Variants in PREX2 observed in about 807,000 individuals in gnomAD.
PREX2 encodes the protein phosphatidylinositol 3,4,5-trisphosphate-dependent Rac exchanger 2 protein.
PREX2 carries 107 observed loss-of-function variants against 203.2 expected under a neutral mutation model. The ratio of observed to expected loss-of-function variants is 0.53; its 90% CI spans 0.45 to 0.62. The LOEUF is 0.62. Among genes scored for constraint, PREX2 ranks in the 20% least tolerant of loss-of-function variants. The pLI, the probability that PREX2 is intolerant of heterozygous loss-of-function variation, is 0.00. For synonymous variants in PREX2, 672 were observed against 663.6 expected (o/e 1.01, Z -0.19); for missense variants, 1,777 against 1,955.9 (o/e 0.91, Z 1.72).
At chr8:68,198,339 C>T (rs1164426250) in intron 37 of PREX2, among the ~76,000 whole-genome samples, 1 of 152,112 alleles carries the variant, frequency 6.6e-6, no homozygotes, top group African/African-American at 2.4e-5. Flanking sequence ...TATATACCTG[C>T]TTTGTAGGCA....
intron 35 of PREX2, among the ~76,000 whole-genome samples, chr8:68,190,628 A>G (rs541069305): frequency 5.9e-5 from 9 of 152,188 alleles, no homozygotes; most frequent in African/African-American, 2.2e-4. Flanking sequence ...TGAGGGTTGA[A>G]AACTTACCTA....
At chr8:68,088,192 T>C (rs767877588) in intron 19 of PREX2, among the ~76,000 whole-genome samples, 39 of 152,328 alleles carry the variant, frequency 2.6e-4, no homozygotes, top group Non-Finnish European at 2.5e-4. Context: ...TTATAACCTA[T>C]TGCTATATAC....
At chr8:68,230,546 C>A (rs1813148503) in intron 39 of PREX2, among the ~76,000 whole-genome samples, 1 of 152,084 alleles carries the variant, frequency 6.6e-6, no homozygotes, top group South Asian at 2.1e-4. Context: ...CTATTATGTT[C>A]CCTTTTACTT....
chr8:68,122,116 C>T (rs944604564), intron 30 of PREX2, among the ~76,000 whole-genome samples: 7 of 152,082 alleles, frequency 4.6e-5, no homozygotes, highest in Non-Finnish European at 8.8e-5. Context: ...GAGTTAGTCA[C>T]TTAACTCTTT....
At chr8:68,105,260 GCCT>G (rs779725192) in intron 23 of PREX2, 1 of 1,367,790 alleles carries the variant, frequency 7.3e-7, no homozygotes. Flanking sequence ...TCCTCCTGCT[GCCT>G]CCTCCTCTCT....
chr8:68,012,057 A>T (rs1202383663), intron 1 of PREX2, among the ~76,000 whole-genome samples: 1 of 152,122 alleles, frequency 6.6e-6, no homozygotes, highest in Non-Finnish European at 1.5e-5. Flanking sequence ...TTTACTCTTG[A>T]CTTTCCTGTC....
At chr8:67,992,848 G>A (rs1044982677) in intron 1 of PREX2, among the ~76,000 whole-genome samples, 1 of 152,144 alleles carries the variant, frequency 6.6e-6, no homozygotes, top group African/African-American at 2.4e-5. Flanking sequence ...AGAGGGCGTA[G>A]GGGGTCATAA....
chr8:68,162,850 CAA>C (rs1395260611), intron 35 of PREX2, among the ~76,000 whole-genome samples: 4 of 152,158 alleles, frequency 2.6e-5, no homozygotes, highest in Non-Finnish European at 5.9e-5. Flanking sequence ...TGCTCAAATC[CAA>C]AGACATAAGC....
intron 1 of PREX2, among the ~76,000 whole-genome samples, chr8:67,973,585 T>C (rs150114285): frequency 6.6e-6 from 1 of 152,320 alleles, no homozygotes; most frequent in Non-Finnish European, 1.5e-5. Flanking sequence ...CTAGTCTGTT[T>C]CATACCACTT....
At chr8:68,040,835 A>G (rs574430714) in intron 7 of PREX2, among the ~76,000 whole-genome samples, 35 of 152,296 alleles carry the variant, frequency 2.3e-4, no homozygotes, top group Middle Eastern at 3.4e-3. Context: ...CACAGAATCA[A>G]TGAATGAGTG....
At chr8:68,170,182 A>AT (rs1811847646) in intron 35 of PREX2, among the ~76,000 whole-genome samples, 1 of 152,180 alleles carries the variant, frequency 6.6e-6, no homozygotes, top group Non-Finnish European at 1.5e-5. Flanking sequence ...AGTCCAGCAC[A>AT]TTGAGTAGAA....
chr8:68,057,291 C>T (rs1808710150), intron 10 of PREX2, among the ~76,000 whole-genome samples: 1 of 152,172 alleles, frequency 6.6e-6, no homozygotes, highest in South Asian at 2.1e-4. Flanking sequence ...CCATGCAGAA[C>T]TGTGCATCAA....
intron 4 of PREX2, among the ~76,000 whole-genome samples, chr8:68,024,838 T>A (rs1158412955): frequency 6.6e-6 from 1 of 152,004 alleles, no homozygotes; most frequent in Non-Finnish European, 1.5e-5. Flanking sequence ...AACTACAATA[T>A]GCATCTTAAC....
At chr8:67,975,203 C>T (rs750982441) in intron 1 of PREX2, among the ~76,000 whole-genome samples, 14 of 149,722 alleles carry the variant, frequency 9.4e-5, no homozygotes, top group African/African-American at 3.2e-4. Context: ...CTCCTCTAGT[C>T]GGGGCCTCTC....
At chr8:68,214,029 A>C (rs1037540596) in intron 37 of PREX2, among the ~76,000 whole-genome samples, 3 of 152,152 alleles carry the variant, frequency 2.0e-5, no homozygotes, top group Non-Finnish European at 4.4e-5. Context: ...GTGGGGTAAA[A>C]ATACAGATTT....
chr8:68,208,340 G>A (rs962421056), intron 37 of PREX2, among the ~76,000 whole-genome samples: 2 of 151,938 alleles, frequency 1.3e-5, no homozygotes, highest in Admixed American at 6.6e-5. Context: ...CTCTAGACAT[G>A]AAATAAGTCA....
rs79786346 is a variant in PREX2, at chr8:68,068,748, T to C, written c.1340-285T>C. On this transcript the variant is annotated intron_variant, in intron 11 of 39. Transcript: ENST00000288368. ...TGTGTATACCTTTATACATACTATA[T>C]ACTCATGTACATATATAAATACATA... Among the ~76,000 whole-genome samples, 515 of 152,214 alleles carry C rather than the reference T, an allele frequency of 3.4e-3. 6 individuals carry two copies. The highest frequency in any genetic ancestry group is 0.012 in the African/African-American group (501 of 41,544).
At chr8:68,177,764 A>G (rs781545573) in intron 35 of PREX2, among the ~76,000 whole-genome samples, 101 of 152,186 alleles carry the variant, frequency 6.6e-4, no homozygotes, top group Admixed American at 1.9e-3. Context: ...TCCATTAGCT[A>G]TTCTTCCTGC....
chr8:68,089,130 CT>C (rs1299263157), intron 19 of PREX2, among the ~76,000 whole-genome samples: 16 of 151,852 alleles, frequency 1.1e-4, no homozygotes, highest in African/African-American at 3.6e-4. Flanking sequence ...GCTCCCCTGC[CT>C]CCCACCCTCA....
Sources: gnomAD v4.1 joint callset for allele counts (sites outside exome capture counted in the v4.1 genomes callset) on GRCh38, gnomAD v4.1.1 for gene constraint, MANE v1.5 for transcripts, NCBI Gene and HGNC (gene_info 2026-07-23, HGNC 2026-07-21) for gene names.